The following CSPG4 variants were observed in gnomAD, a reference collection of about 807,000 sequenced individuals.
The protein encoded by CSPG4 is chondroitin sulfate proteoglycan 4.
Under a neutral mutation model 139.3 loss-of-function variants are expected in CSPG4, and 74 were observed. The observed-to-expected ratio is 0.53, with a 90% CI of 0.44 to 0.64. The LOEUF is 0.64. Ranked by LOEUF, CSPG4 falls within the 30% of genes least tolerant of loss-of-function variation. The pLI is 0.00. For synonymous variants in CSPG4, 1,234 were observed against 1,394.2 expected (o/e 0.89, Z 2.56); for missense variants, 2,565 against 3,148.3 (o/e 0.81, Z 4.43).
chr15:75,700,445 C>T (rs1194730217), intron 1 of CSPG4, among the ~76,000 whole-genome samples: 1 of 152,172 alleles, frequency 6.6e-6, no homozygotes, highest in Non-Finnish European at 1.5e-5. Context: ...TTTGGCAGCC[C>T]CTCCTCTGTG....
Position 75,705,409 on chromosome 15 carries a change from C to T in CSPG4, c.88+7259G>A, listed in dbSNP as rs77196181. On this transcript the variant is annotated intron_variant, in intron 1 of 9. Transcript: ENST00000308508. ...AGCAGAAGTCCCCATGTTGCCGGGC[C>T]ACTCCACCCTGGGAAGAAGATGCTA... is the stretch of plus-strand genomic sequence containing the variant. 2.3e-3 allele frequency among the ~76,000 whole-genome samples: 348 copies of T among 152,344 alleles called. 1 individual carries two copies. The highest frequency in any genetic ancestry group is 8.0e-3 in the African/African-American group (331 of 41,570).
Position 75,677,237 on chromosome 15 carries a change from A to G in CSPG4, c.5282T>C (p.Leu1761Ser). The change falls in exon 10 of 10, where the codon TTG becomes TCG. Residue 1761 changes from leucine (L) to serine (S), a missense_variant. Leu to Ser is a moderately radical substitution (Grantham distance 145). Around this residue, in one of 5 missense-constraint regions of CSPG4, gnomAD observed 2,316 missense variants for 2,818.2 expected, o/e 0.82. Coordinates refer to ENST00000308508, the MANE Select transcript of CSPG4 (RefSeq NM_001897.5). ...AGCATGGAGGGGCTCCTCGGACACCAACAGCTGGCCCCGGCTGGGGAACTG... is the reference window on the plus strand; with the variant it reads ...AGCATGGAGGGGCTCCTCGGACACCGACAGCTGGCCCCGGCTGGGGAACTG... The part of the protein sequence containing the change: ...VTQFPSRGQL[L>S]VSEEPLHAGQ... The G allele has an allele frequency of 6.7e-7, 1 of 1,486,764 alleles. No individual in the cohort carries two copies. The highest frequency in any genetic ancestry group is 2.2e-5 in the Admixed American group (1 of 44,940). 92.1% of individuals were successfully genotyped at this position (1,486,764 alleles called of 1,614,324 possible). A position where few individuals can be genotyped will look rare whatever the true frequency, so the allele number is the denominator to read the frequency against.
At chr15:75,677,627 T>C (rs905008697) in intron 9 of CSPG4, 76 bp downstream of exon 9, 175 of 1,470,396 alleles carry the variant, frequency 1.2e-4, no homozygotes, top group Non-Finnish European at 1.5e-4. Flanking sequence ...CTGCTGACCC[T>C]GGCCTCGTGT....
chr15:75,682,916 C>A lies in CSPG4; in HGVS notation c.4575G>T (p.Gly1525=), dbSNP rs749298439. ...AGCTGCGCACCTCAGTGCCCGGCGCCCCCCGCAGCACTACCCGCCCGTTGC... is the reference window on the plus strand; with the variant it reads ...AGCTGCGCACCTCAGTGCCCGGCGCACCCCGCAGCACTACCCGCCCGTTGC... ...QPSNGRVVLR[G]APGTEVRSFT... is the part of the protein sequence containing the mutation. The change falls in exon 6 of 10, where the codon GGG becomes GGT. Residue 1525 remains glycine, a synonymous_variant. Coordinates refer to ENST00000308508, the MANE Select transcript of CSPG4 (RefSeq NM_001897.5). The A allele has an allele frequency of 6.2e-7, 1 of 1,610,958 alleles. No individual in the cohort carries two copies. Among genetic ancestry groups the A allele is most frequent in the Non-Finnish European group, 8.5e-7 (1 of 1,179,646 alleles).
At chr15:75,681,083 A>C (rs11636221) in intron 8 of CSPG4, among the ~76,000 whole-genome samples, 69,937 of 152,072 alleles carry the variant, frequency 0.46, 17,131 homozygotes, top group Non-Finnish European at 0.55. Context: ...CCAGCAACTG[A>C]GGGTACGCAG....
At position 75,687,257 on chromosome 15, in the gene CSPG4, A is replaced by G. The variant is rs775952510; in HGVS notation, c.3789+19T>C. 5.6e-6 allele frequency: 9 copies of G among 1,608,984 alleles called. No homozygotes were observed. The highest frequency in any genetic ancestry group is 6.8e-6 in the Non-Finnish European group (8 of 1,179,756). ...CTCTACCTGGCCCACACCCCTGCTCACCACCTCCAACTCCTCACCTCCAGC... is the reference window on the plus strand; with the variant it reads ...CTCTACCTGGCCCACACCCCTGCTCGCCACCTCCAACTCCTCACCTCCAGC... On this transcript the variant is annotated intron_variant, in intron 3 of 9. Transcript: ENST00000308508. The surrounding 1 kb of genome is among the most constrained non-coding windows in gnomAD (Gnocchi z 5.4).
rs998370848 is a variant in CSPG4, at chr15:75,698,010, G to A, written c.89-4777C>T. On this transcript the variant is annotated intron_variant, in intron 1 of 9. Coordinates refer to ENST00000308508, the MANE Select transcript of CSPG4 (RefSeq NM_001897.5). The surrounding 1 kb of genome is among the most constrained non-coding windows in gnomAD (Gnocchi z 4.3). ...ATTCACATACAGACCAAGGCCTGAG[G>A]AAGGAGACGGAGGAGGAAAACTCGA... Among the ~76,000 whole-genome samples the A allele has an allele frequency of 1.3e-5, 2 of 152,220 alleles. No individual in the cohort carries two copies. The highest frequency in any genetic ancestry group is 2.4e-5 in the African/African-American group (1 of 41,450).
chr15:75,676,183 C>A lies in CSPG4; in HGVS notation c.6336G>T (p.Gln2112His). ...CGTCCTCAAGGTCCTGCTGAGTGAA[C>A]TGCTCCACCAGCTGGCTGCCCCCGG... ...TEPGGSQLVE[Q>H]FTQQDLEDGR... The change falls in exon 10 of 10, where the codon CAG becomes CAT. Residue 2112 changes from glutamine to histidine, a missense_variant. Physicochemically the swap from Gln to His is conservative, Grantham distance 24. Coordinates refer to ENST00000308508, the MANE Select transcript of CSPG4 (RefSeq NM_001897.5). 6.4e-7 allele frequency: 1 copy of A among 1,551,462 alleles called. No homozygotes were observed. The highest frequency in any genetic ancestry group is 2.4e-5 in the East Asian group (1 of 41,810).
rs1387034368 is a variant in CSPG4, at chr15:75,676,020, C to T, written c.6499G>A (p.Ala2167Thr). 1.2e-5 allele frequency: 19 copies of T among 1,559,098 alleles called. No individual in the cohort carries two copies. The highest frequency in any genetic ancestry group is 1.4e-5 in the Non-Finnish European group (16 of 1,157,298). ...SLDFATEPYN[A>T]ARPYSVALLS... is the part of the protein sequence containing the mutation. ...AGGGCCACGCTGTAGGGCCGGGCAG[C>T]ATTGTAAGGCTCAGTGGCAAAGTCC... Residue 2167 changes from alanine (A) to threonine (T), a missense_variant, in exon 10 of 10, where the codon GCT becomes ACT. Ala to Thr is a moderately conservative substitution (Grantham distance 58). Coordinates refer to ENST00000308508, the MANE Select transcript of CSPG4 (RefSeq NM_001897.5).
In CSPG4 at chr15:75,688,330, C is replaced by T; in HGVS notation, c.2735G>A (p.Gly912Asp). 6.2e-7 allele frequency: 1 copy of T among 1,613,296 alleles called. No homozygotes were observed. Among genetic ancestry groups the T allele is most frequent in the Non-Finnish European group, 8.5e-7 (1 of 1,180,046 alleles). Residue 912 changes from glycine to aspartate, a missense_variant, in exon 3 of 10, where the codon GGT becomes GAT. Physicochemically the swap from Gly to Asp is moderately conservative, Grantham distance 94. This residue lies in a region of CSPG4 where 2,316 missense variants were observed against 2,818.2 expected (regional missense o/e 0.82). Transcript: ENST00000308508. ...GTCAGCAGAGAGGACACCCTCACCA[C>T]CCTCAGGCACCACGAGGAGGACATT... ...LTNVLLVVPE[G>D]GEGVLSADHL... is the part of the protein sequence containing the mutation.
At position 75,688,535 on chromosome 15, in the gene CSPG4, C is replaced by A. The variant is rs1894100941; in HGVS notation, c.2530G>T (p.Gly844Cys). Residue 844 changes from glycine to cysteine, a missense_variant, in exon 3 of 10, where the codon GGC (glycine) becomes TGC (cysteine). Coordinates refer to ENST00000308508, the MANE Select transcript of CSPG4 (RefSeq NM_001897.5). The stretch of plus-strand genomic sequence containing the variant: ...ATGTCATCCTGGGTGAAGCCCTGGC[C>A]ATCTGACAGCCTTGTGCCCTGTAGT... ...LQLQGTRLSD[G>C]QGFTQDDIQA... 1 of 1,613,204 alleles carries A rather than the reference C, an allele frequency of 6.2e-7. No individual in the cohort carries two copies.
chr15:75,677,408 A>G, intron 9 of CSPG4, 24 bp from the exon 10 acceptor site: 1 of 1,410,688 alleles, frequency 7.1e-7, no homozygotes, highest in Non-Finnish European at 9.3e-7. Flanking sequence ...ATAGGCTATG[A>G]GGGTCCAGCC....
upstream of CSPG4, chr15:75,712,934 T>G (rs937919376): frequency 1.8e-6 from 1 of 543,276 alleles, no homozygotes; most frequent in Non-Finnish European, 3.2e-6. Context: ...AGGCTTGGAC[T>G]CCCCCACCTG....
At position 75,687,546 on chromosome 15, in the gene CSPG4, G is replaced by T. The variant is rs368251333; in HGVS notation, c.3519C>A (p.Arg1173=). Residue 1173 remains arginine (R), a synonymous_variant, in exon 3 of 10, where the codon CGC becomes CGA. Coordinates refer to ENST00000308508, the MANE Select transcript of CSPG4 (RefSeq NM_001897.5). The surrounding 1 kb of genome is among the most constrained non-coding windows in gnomAD (Gnocchi z 5.4). ...EVHYHVTAGP[R]WGQLVRAGQP... ...GACCAGCCCGGACTAGCTGTCCCCAGCGAGGGCCAGCTGTGACGTGGTAGT... is the reference window on the plus strand; with the variant it reads ...GACCAGCCCGGACTAGCTGTCCCCATCGAGGGCCAGCTGTGACGTGGTAGT... The T allele has an allele frequency of 1.2e-5, 19 of 1,610,974 alleles. No individual in the cohort carries two copies. The African/African-American group carries it at 2.4e-4, about 20-fold the overall frequency.
rs1894226088 is a variant in CSPG4, at chr15:75,696,255, G to C, written c.89-3022C>G. ...GATCTAGGAGTTTGCTGTCCATATG[G>C]ATGTGGGGAAGGTTAATGGCATGGG... On this transcript the variant is annotated intron_variant, in intron 1 of 9. Transcript: ENST00000308508. This position sits in a 1 kb window ranked among gnomAD's most constrained non-coding sequence, Gnocchi z 4.2. 6.6e-6 allele frequency among the ~76,000 whole-genome samples: 1 copy of C among 152,124 alleles called. No individual in the cohort carries two copies. Among genetic ancestry groups the C allele is most frequent in the South Asian group, 2.1e-4 (1 of 4,820 alleles).
chr15:75,688,504 G>C lies in CSPG4; in HGVS notation c.2561C>G (p.Ala854Gly), dbSNP rs1481535079. ...GQGFTQDDIQAGRVTYGATAR... is the reference protein window; with the variant it reads ...GQGFTQDDIQGGRVTYGATAR... Reference sequence around the variant, plus strand: ...TGTGGCCCCATAGGTCACCCGGCCAGCCTGTATGTCATCCTGGGTGAAGCC... The same window carrying C: ...TGTGGCCCCATAGGTCACCCGGCCACCCTGTATGTCATCCTGGGTGAAGCC... Residue 854 changes from alanine to glycine, a missense_variant, in exon 3 of 10, where the codon GCT (alanine) becomes GGT (glycine). Physicochemically the swap from Ala to Gly is moderately conservative, Grantham distance 60 (BLOSUM62 0). Around this residue, in one of 5 missense-constraint regions of CSPG4, gnomAD observed 2,316 missense variants for 2,818.2 expected, o/e 0.82. Transcript: ENST00000308508. 6 of 1,613,152 alleles carry C rather than the reference G, an allele frequency of 3.7e-6. No homozygotes were observed. Among genetic ancestry groups the C allele is most frequent in the African/African-American group, 1.3e-5 (1 of 74,952 alleles).
chr15:75,676,262 A>C lies in CSPG4; in HGVS notation c.6257T>G (p.Leu2086Arg). Residue 2086 changes from leucine to arginine, a missense_variant, in exon 10 of 10, where the codon CTG becomes CGG. Coordinates refer to ENST00000308508, the MANE Select transcript of CSPG4 (RefSeq NM_001897.5). The stretch of plus-strand genomic sequence containing the variant: ...CACGCGGCCATGCCGGGGTCCCTCC[A>C]GGAGGCGGAAGCGCGGCACACTGCC... ...RTGSVPRFRL[L>R]EGPRHGRVVR... 6.4e-7 allele frequency: 1 copy of C among 1,570,968 alleles called. No individual in the cohort carries two copies. The highest frequency in any genetic ancestry group is 2.3e-5 in the East Asian group (1 of 43,000).
chr15:75,676,116 G>A lies in CSPG4; in HGVS notation c.6403C>T (p.Pro2135Ser), dbSNP rs1451304098. The A allele has an allele frequency of 6.5e-7, 1 of 1,536,512 alleles. No individual in the cohort carries two copies. Among genetic ancestry groups the A allele is most frequent in the Admixed American group, 2.0e-5 (1 of 51,254 alleles). Residue 2135 changes from proline to serine, a missense_variant, in exon 10 of 10, where the codon CCC becomes TCC. By Grantham distance (74) the Pro-to-Ser change is moderately conservative. Coordinates refer to ENST00000308508, the MANE Select transcript of CSPG4 (RefSeq NM_001897.5). ...LEVGRPEGRAPGPAGDSLTLE... is the reference protein window; with the variant it reads ...LEVGRPEGRASGPAGDSLTLE... ...GTGAGACTGTCACCTGCGGGGCCGGGGGCCCTCCCCTCTGGCCTGCCCACC... is the reference window on the plus strand; with the variant it reads ...GTGAGACTGTCACCTGCGGGGCCGGAGGCCCTCCCCTCTGGCCTGCCCACC...
Position 75,675,797 on chromosome 15 carries a change from G to A in CSPG4, c.6722C>T (p.Pro2241Leu), listed in dbSNP as rs1300670143. ...GCGTTTTCGGAGGTAGAAGAGCAGG[G>A]GCAGGATGAGCGCCAGGAGCAGAAG... ...LVLLLLALIL[P>L]LLFYLRKRNK... Residue 2241 changes from proline (P) to leucine (L), a missense_variant, in exon 10 of 10, where the codon CCC (proline) becomes CTC (leucine). Pro to Leu is a moderately conservative substitution (Grantham distance 98, BLOSUM62 -3). Transcript: ENST00000308508. 7.4e-6 allele frequency: 12 copies of A among 1,613,568 alleles called. No homozygotes were observed. Among genetic ancestry groups the A allele is most frequent in the Non-Finnish European group, 1.0e-5 (12 of 1,179,984 alleles).
Sources: allele counts gnomAD v4.1 joint callset (sites outside exome capture counted in the v4.1 genomes callset), GRCh38; gene constraint gnomAD v4.1.1; regional missense constraint gnomAD v4.1.1; non-coding constraint Gnocchi (gnomAD v3.1); transcripts MANE v1.5; gene names NCBI Gene and HGNC (gene_info 2026-07-23, HGNC 2026-07-21).